Variants in UBE2D2 observed in about 807,000 individuals in gnomAD.
The protein encoded by UBE2D2 is ubiquitin conjugating enzyme E2 D2.
Under a neutral mutation model 24.2 loss-of-function variants are expected in UBE2D2, and 2 were observed. The observed-to-expected ratio is 0.08, with a 90% CI of 0.03 to 0.26. UBE2D2 has a LOEUF of 0.26. UBE2D2 is among the 10% of genes least tolerant of loss of function. The pLI, the probability that UBE2D2 is intolerant of heterozygous loss-of-function variation, is 1.00. For missense variants in UBE2D2, 44 were observed against 177.6 expected, an observed-to-expected ratio of 0.25 and a Z score of 4.28; for synonymous variants, 58 against 56.5, an observed-to-expected ratio of 1.03 and a Z score of -0.12.
At chr5:139,574,855 C>T (rs1753434459) in intron 1 of UBE2D2, among the ~76,000 whole-genome samples, 2 of 151,902 alleles carry the variant, frequency 1.3e-5, no homozygotes, top group African/African-American at 4.8e-5. Context: ...GGGAATTGTA[C>T]CCTGCAAGCC....
intron 1 of UBE2D2, among the ~76,000 whole-genome samples, chr5:139,534,398 C>T (rs1031151486): frequency 3.3e-5 from 5 of 152,094 alleles, no homozygotes; most frequent in African/African-American, 9.7e-5. Context: ...AACCTCTTCT[C>T]TACTAAAAAT....
chr5:139,560,688 C>A (rs1405945914), upstream of UBE2D2, among the ~76,000 whole-genome samples: 1 of 152,192 alleles, frequency 6.6e-6, no homozygotes, highest in Non-Finnish European at 1.5e-5. Context: ...GCAGCTGGTA[C>A]AGTGCTTGCT....
At chr5:139,586,639 C>T (rs1020783786) in intron 1 of UBE2D2, among the ~76,000 whole-genome samples, 2 of 152,094 alleles carry the variant, frequency 1.3e-5, no homozygotes, top group Admixed American at 6.6e-5. Context: ...GTGGTGGGTG[C>T]CTGTAGTCCC....
intron 2 of UBE2D2, among the ~76,000 whole-genome samples, chr5:139,608,953 G>A (rs1754256044): frequency 6.6e-6 from 1 of 151,996 alleles, no homozygotes; most frequent in Non-Finnish European, 1.5e-5. Flanking sequence ...CAGGTGTGGT[G>A]GCACACACCT....
chr5:139,611,175 CTTTTTTTTTTTTTTTTTTT>C (rs60626896), intron 2 of UBE2D2, among the ~76,000 whole-genome samples: 1 of 58,756 alleles, frequency 1.7e-5, no homozygotes, highest in African/African-American at 6.7e-5. Context: ...AGTTTTCCTT[CTTTTTTTTTTTTTTTTTTT>C]TTTTTTTTTG....
chr5:139,609,985 C>G (rs953688470), intron 2 of UBE2D2, among the ~76,000 whole-genome samples: 2 of 151,794 alleles, frequency 1.3e-5, no homozygotes, highest in African/African-American at 4.8e-5. Context: ...GTTGGCCAGG[C>G]TGGTCTTGAA....
chr5:139,556,798 G>A (rs1188948102), upstream of UBE2D2, among the ~76,000 whole-genome samples: 2 of 148,468 alleles, frequency 1.3e-5, no homozygotes, highest in African/African-American at 2.5e-5. Flanking sequence ...TATCACAATT[G>A]ACACAAGAAG....
At chr5:139,587,550 G>A (rs918783640) in intron 1 of UBE2D2, among the ~76,000 whole-genome samples, 2 of 151,782 alleles carry the variant, frequency 1.3e-5, no homozygotes, top group South Asian at 4.2e-4. Flanking sequence ...GTGGTGGCGG[G>A]CACCACCAGC....
chr5:139,599,040 T>TG (rs1332753375), intron 1 of UBE2D2, among the ~76,000 whole-genome samples: 1 of 148,866 alleles, frequency 6.7e-6, no homozygotes, highest in Non-Finnish European at 1.5e-5. Context: ...GCAATACTCC[T>TG]GCTGTAGCCT....
At chr5:139,543,240 G>A (rs1752781365) in intron 1 of UBE2D2, among the ~76,000 whole-genome samples, 1 of 152,184 alleles carries the variant, frequency 6.6e-6, no homozygotes, top group African/African-American at 2.4e-5. Context: ...AAATTTTCAT[G>A]GGGCTGGGGG....
intron 1 of UBE2D2, among the ~76,000 whole-genome samples, chr5:139,551,085 C>T (rs890498891): frequency 1.3e-5 from 2 of 152,152 alleles, no homozygotes; most frequent in Non-Finnish European, 2.9e-5. Flanking sequence ...GAGGTCACAC[C>T]TGTAATCCCA....
rs536688959 is a variant in UBE2D2, at chr5:139,619,794, C to T, written c.305-3574C>T. ...GGGAGAATCGCTTGAACCCGGGAGG[C>T]GGAGGTTGCAGGAAGCTGGGATCGC... On this transcript the variant is annotated intron_variant, in intron 5 of 6. Coordinates refer to ENST00000398733, the MANE Select transcript of UBE2D2 (RefSeq NM_003339.3). Among the ~76,000 whole-genome samples, 18 of 151,780 alleles carry T rather than the reference C, an allele frequency of 1.2e-4. No homozygotes were observed. In the East Asian group the frequency reaches 2.7e-3, roughly 23 times the overall value.
intron 1 of UBE2D2, among the ~76,000 whole-genome samples, chr5:139,565,920 T>C (rs1333353912): frequency 6.6e-6 from 1 of 152,190 alleles, no homozygotes. Context: ...CATTGTACAT[T>C]TTAATGGTGT....
intron 1 of UBE2D2, among the ~76,000 whole-genome samples, chr5:139,569,009 A>G (rs11167511): frequency 2.0e-5 from 3 of 152,170 alleles, no homozygotes; most frequent in African/African-American, 7.2e-5. Flanking sequence ...GTGTGGTACC[A>G]TATATTAGAT....
chr5:139,550,869 C>T (rs1752909298), intron 1 of UBE2D2, among the ~76,000 whole-genome samples: 1 of 152,118 alleles, frequency 6.6e-6, no homozygotes, highest in Non-Finnish European at 1.5e-5. Context: ...CCGGACATAC[C>T]ATCTTTAAGA....
upstream of UBE2D2, among the ~76,000 whole-genome samples, chr5:139,560,244 C>T (rs1753045100): frequency 6.9e-6 from 1 of 144,736 alleles, no homozygotes; most frequent in South Asian, 2.2e-4. Flanking sequence ...GTTGCCTAGG[C>T]TGGAGTGAAC....
intron 1 of UBE2D2, among the ~76,000 whole-genome samples, chr5:139,530,695 G>A (rs920059050): frequency 3.6e-4 from 55 of 152,106 alleles, no homozygotes; most frequent in African/African-American, 1.3e-3. Context: ...AAATTTAACC[G>A]TACTAATTAT....
rs569314135 is a variant in UBE2D2, at chr5:139,617,710, A to G, written c.304+2744A>G. On this transcript the variant is annotated intron_variant, in intron 5 of 6. Coordinates refer to ENST00000398733, the MANE Select transcript of UBE2D2 (RefSeq NM_003339.3). The stretch of plus-strand genomic sequence containing the variant: ...ATTCTAGATCCAATTGCCTGTGTTC[A>G]GATCTCAGATCCACCTCTTATTAAA... Among the ~76,000 whole-genome samples the G allele has an allele frequency of 2.0e-4, 31 of 152,312 alleles. No individual in the cohort carries two copies. The South Asian group carries it at 6.0e-3, about 30-fold the overall frequency.
intron 1 of UBE2D2, among the ~76,000 whole-genome samples, chr5:139,553,918 T>C (rs13362191): frequency 2.9e-3 from 440 of 152,208 alleles, no homozygotes; most frequent in African/African-American, 0.01. Context: ...TAGCTGGGAC[T>C]ACAGGTGCCC....
Sources: gnomAD v4.1 joint callset for allele counts (sites outside exome capture counted in the v4.1 genomes callset) on GRCh38, gnomAD v4.1.1 for gene constraint, MANE v1.5 for transcripts, NCBI Gene and HGNC (gene_info 2026-07-23, HGNC 2026-07-21) for gene names.